The following ARHGEF7 variants were observed in gnomAD, a reference collection of about 807,000 sequenced individuals.
ARHGEF7 encodes the protein PAK-interacting exchange factor beta.
In ARHGEF7, 33 loss-of-function variants were observed where a neutral mutation model predicts 109.8. That is an observed-to-expected ratio of 0.30 (90% CI 0.23 to 0.40). The LOEUF (loss-of-function observed/expected upper bound fraction) is 0.40. Among genes scored for constraint, ARHGEF7 ranks in the 10% least tolerant of loss-of-function variants. The pLI, the probability that ARHGEF7 is intolerant of heterozygous loss-of-function variation, is 1.00. For synonymous variants in ARHGEF7, 458 were observed against 424.6 expected (o/e 1.08, Z -0.97); for missense variants, 938 against 1,098.5 (o/e 0.85, Z 2.07).
chr13:111,297,292 G>A (rs759967813), intron 19 of ARHGEF7, among the ~76,000 whole-genome samples: 4 of 152,096 alleles, frequency 2.6e-5, no homozygotes, highest in Non-Finnish European at 5.9e-5. Context: ...TTCCTAGTTC[G>A]CCATCAGATC....
chr13:111,280,240 T>G (rs1460779300), intron 13 of ARHGEF7, 32 bp from the exon 14 acceptor site: 5 of 1,008,968 alleles, frequency 5.0e-6, no homozygotes, highest in Non-Finnish European at 4.1e-6. Flanking sequence ...GCACTAATTG[T>G]TTTTTTTTTT....
intron 1 of ARHGEF7, among the ~76,000 whole-genome samples, chr13:111,118,837 G>T (rs9522131): frequency 0.36 from 54,120 of 152,054 alleles, 10,031 homozygotes; most frequent in Middle Eastern, 0.53. Context: ...AAGGAACTTG[G>T]TTCTTTCTCT....
intron 6 of ARHGEF7, chr13:111,241,374 G>T (rs2087756324): frequency 1.3e-6 from 2 of 1,534,662 alleles, no homozygotes; most frequent in Non-Finnish European, 1.7e-6. Context: ...AGGTCAGGAA[G>T]GCCAGCAACC....
Position 111,303,215 on chromosome 13 carries a change from T to TGGGG in ARHGEF7, c.*103_*106dup. 6.6e-6 allele frequency: 3 copies of TGGGG among 454,540 alleles called. No homozygotes were observed. The highest frequency in any genetic ancestry group is 1.2e-5 in the Non-Finnish European group (3 of 250,594). The allele number at this position is 454,540 out of a possible 1,614,324, so 28.2% of individuals were successfully genotyped here. ...CTCAGGACCACAGGGCAGGGCTGGG[T>TGGGG]GGGGCGCCACCTTGCTCTCTGTATA... On this transcript the variant is annotated 3_prime_UTR_variant, in exon 22 of 22. Transcript: ENST00000646102.
intron 19 of ARHGEF7, among the ~76,000 whole-genome samples, chr13:111,296,344 C>T (rs550395666): frequency 1.8e-4 from 28 of 152,280 alleles, no homozygotes; most frequent in Non-Finnish European, 3.7e-4. Context: ...TGGCTCACAC[C>T]TCTGAGTGTT....
At chr13:111,205,760 A>G (rs2081753744) in intron 3 of ARHGEF7, among the ~76,000 whole-genome samples, 1 of 152,106 alleles carries the variant, frequency 6.6e-6, no homozygotes. Context: ...TTGAGCTGTG[A>G]CCATGATAAG....
chr13:111,290,520 C>A (rs1006569770), intron 18 of ARHGEF7, among the ~76,000 whole-genome samples: 5 of 152,180 alleles, frequency 3.3e-5, no homozygotes, highest in African/African-American at 7.2e-5. Context: ...TGGAACCAAT[C>A]CCCTGTGGGT....
intron 1 of ARHGEF7, chr13:111,116,448 T>G (rs992457188): frequency 3.3e-5 from 5 of 152,564 alleles, no homozygotes; most frequent in African/African-American, 4.8e-5. Context: ...TTAAAGTTTG[T>G]TTTCATCGCC....
At chr13:111,155,339 A>G (rs1470835301) in intron 2 of ARHGEF7, among the ~76,000 whole-genome samples, 1 of 152,258 alleles carries the variant, frequency 6.6e-6, no homozygotes, top group Non-Finnish European at 1.5e-5. Flanking sequence ...TTACATGGAA[A>G]GTTTATTTAA....
chr13:111,254,270 A>G (rs548358948), intron 8 of ARHGEF7, among the ~76,000 whole-genome samples: 3 of 152,392 alleles, frequency 2.0e-5, no homozygotes, highest in South Asian at 4.1e-4. Flanking sequence ...AAATCGGTTA[A>G]CTGCAATGTT....
Position 111,217,886 on chromosome 13 carries a change from T to TGGCC in ARHGEF7, c.670+8_670+11dup, listed in dbSNP as rs1279255895. ...GCGCGAGGTCAAGGCCAGCGGTAAG[T>TGGCC]GGCCGAGCCTGGGCTGTGTGTGGCT... On this transcript the variant is annotated splice_region_variant and intron_variant, in intron 5 of 21. Transcript: ENST00000646102. 4.4e-6 allele frequency: 7 copies of TGGCC among 1,607,270 alleles called. No homozygotes were observed. Among genetic ancestry groups the TGGCC allele is most frequent in the Non-Finnish European group, 6.0e-6 (7 of 1,175,146 alleles).
rs1375443476 is a variant in ARHGEF7, at chr13:111,255,820, G to C, written c.950+11526G>C. Reference sequence around the variant, plus strand: ...GGGGATATTTTTCCTGTGGAAGGTGGGGTCATGGTGCTTTCTTTTCAGTGC... The same window carrying C: ...GGGGATATTTTTCCTGTGGAAGGTGCGGTCATGGTGCTTTCTTTTCAGTGC... On this transcript the variant is annotated intron_variant, in intron 8 of 21. Transcript: ENST00000646102. The surrounding 1 kb of genome is among the most constrained non-coding windows in gnomAD (Gnocchi z 4.1). Among the ~76,000 whole-genome samples, 1 of 152,150 alleles carries C rather than the reference G, an allele frequency of 6.6e-6. No individual in the cohort carries two copies. The highest frequency in any genetic ancestry group is 1.5e-5 in the Non-Finnish European group (1 of 68,024).
intron 2 of ARHGEF7, among the ~76,000 whole-genome samples, chr13:111,166,860 G>A (rs181938547): frequency 2.0e-5 from 3 of 152,206 alleles, no homozygotes; most frequent in African/African-American, 7.2e-5. Context: ...ATTGTGTAGA[G>A]TGATGTTCCT....
intron 4 of ARHGEF7, among the ~76,000 whole-genome samples, chr13:111,214,384 G>C (rs944013392): frequency 2.6e-5 from 4 of 152,234 alleles, no homozygotes; most frequent in African/African-American, 9.6e-5. Flanking sequence ...TGCTGCGCCT[G>C]CGTTGCTTTG....
intron 4 of ARHGEF7, among the ~76,000 whole-genome samples, chr13:111,214,378 G>GCGC (rs2082865991): frequency 6.6e-6 from 1 of 152,240 alleles, no homozygotes; most frequent in Admixed American, 6.5e-5. Flanking sequence ...GGGGCCTGCT[G>GCGC]CGCCTGCGTT....
At chr13:111,302,784 C>T (rs1221891838) in intron 21 of ARHGEF7, among the ~76,000 whole-genome samples, 3 of 152,288 alleles carry the variant, frequency 2.0e-5, no homozygotes, top group African/African-American at 7.2e-5. Flanking sequence ...ATTTCCATCC[C>T]GGGAACAGCA....
At position 111,164,220 on chromosome 13, in the gene ARHGEF7, G is replaced by T. The variant is rs141825277; in HGVS notation, c.252+10229G>T. ...TGGCAGTTCCCCACTTAGCAGATCAGGAGGCTGAGACTTGAAGTGGTTCAG... is the reference window on the plus strand; with the variant it reads ...TGGCAGTTCCCCACTTAGCAGATCATGAGGCTGAGACTTGAAGTGGTTCAG... On this transcript the variant is annotated intron_variant, in intron 2 of 21. Transcript: ENST00000646102. 2.8e-3 allele frequency among the ~76,000 whole-genome samples: 427 copies of T among 152,342 alleles called. 1 individual carries two copies. The highest frequency in any genetic ancestry group is 4.8e-3 in the Non-Finnish European group (329 of 68,032).
At chr13:111,137,268 A>C (rs757093982) in intron 1 of ARHGEF7, among the ~76,000 whole-genome samples, 1 of 152,232 alleles carries the variant, frequency 6.6e-6, no homozygotes, top group African/African-American at 2.4e-5. Context: ...TTTTCTAACA[A>C]GTTCTCAGGC....
rs1566872735 is a variant in ARHGEF7 at position 111,221,393 on chromosome 13, C to CTATATATCTATATATATAGATA, written c.670+3534_670+3535insATATATATCTATATATATAGAT. Among the ~76,000 whole-genome samples the CTATATATCTATATATATAGATA allele has an allele frequency of 5.3e-3, 29 of 5,454 alleles. 2 individuals carry two copies. The highest frequency in any genetic ancestry group is 0.011 in the African/African-American group (29 of 2,526). The allele number at this position is 5,454 out of a possible 152,430, so 3.6% of individuals were successfully genotyped here. ...TATATATATCTATATATATAGATGT[C>CTATATATCTATATATATAGATA]TATATATCTATATATATAGATGTCT... is the stretch of plus-strand genomic sequence containing the variant. On this transcript the variant is annotated intron_variant, in intron 5 of 21. Transcript: ENST00000646102.
Sources: allele counts gnomAD v4.1 joint callset (sites outside exome capture counted in the v4.1 genomes callset), GRCh38; gene constraint gnomAD v4.1.1; non-coding constraint Gnocchi (gnomAD v3.1); transcripts MANE v1.5; gene names NCBI Gene and HGNC (gene_info 2026-07-23, HGNC 2026-07-21).